ATG13: variants seen among roughly 807,000 people sequenced by gnomAD.
The protein encoded by ATG13 is autophagy-related protein 13.
In ATG13, 23 loss-of-function variants were observed where a neutral mutation model predicts 65.5. The observed-to-expected ratio is 0.35, with a 90% CI of 0.25 to 0.50. The LOEUF (loss-of-function observed/expected upper bound fraction) is 0.50, where lower values mean the gene tolerates loss of function less well. ATG13 is among the 20% of genes least tolerant of loss of function. The pLI, the probability that ATG13 is intolerant of heterozygous loss-of-function variation, is 0.98. For synonymous variants in ATG13, 252 were observed against 245.2 expected (o/e 1.03, Z -0.26); for missense variants, 566 against 677.0 (o/e 0.84, Z 1.82).
rs1225683321 is a variant in ATG13, at chr11:46,665,581, C to G, written c.1136+62C>G. 5 of 1,574,494 alleles carry G rather than the reference C, an allele frequency of 3.2e-6. No homozygotes were observed. The African/African-American group carries it at 6.8e-5, about 21-fold the overall frequency. On this transcript the variant is annotated intron_variant, in intron 14 of 18. Transcript: ENST00000683050. ...GGCCAGGGGCCTGGGCTCCCTGACA[C>G]ACGTGCTTATTTAGAATTAGTAAAG... is the stretch of plus-strand genomic sequence containing the variant.
At chr11:46,649,353 A>T (rs1565525763) in intron 6 of ATG13, among the ~76,000 whole-genome samples, 170 bp downstream of exon 6, 1 of 152,364 alleles carries the variant, frequency 6.6e-6, no homozygotes, top group East Asian at 1.9e-4. Flanking sequence ...CAGCCTGGAC[A>T]CAGAGATGAC....
At chr11:46,637,473 A>G (rs1228510913) in intron 2 of ATG13, among the ~76,000 whole-genome samples, 1 of 152,076 alleles carries the variant, frequency 6.6e-6, no homozygotes, top group Non-Finnish European at 1.5e-5. Flanking sequence ...CCAGGGTTCA[A>G]GTGATTCTCT....
chr11:46,672,518 C>T lies in ATG13; in HGVS notation c.*186C>T. On this transcript the variant is annotated 3_prime_UTR_variant, in exon 19 of 19. Transcript: ENST00000683050. ...TGGAGACTCCGTGGCGGCAGTCAAG[C>T]CCAGTGCCCAGTTGGAGAAGACTCA... The T allele has an allele frequency of 6.8e-7, 1 of 1,465,766 alleles. No individual in the cohort carries two copies. Among genetic ancestry groups the T allele is most frequent in the Non-Finnish European group, 9.0e-7 (1 of 1,109,812 alleles). The allele number at this position is 1,465,766 out of a possible 1,614,324, so 90.8% of individuals were successfully genotyped here. A position where few individuals can be genotyped will look rare whatever the true frequency, so the allele number is the denominator to read the frequency against.
At position 46,673,220 on chromosome 11, in the gene ATG13, G is replaced by T. The variant is rs1047520165; in HGVS notation, c.*888G>T. ...GGAGAAGGCGGAGGGCTCTTCCTGG[G>T]ACGGAGACCTCCTCCTCCGGAGGTT... On this transcript the variant is annotated 3_prime_UTR_variant, in exon 19 of 19. Coordinates refer to ENST00000683050, the MANE Select transcript of ATG13 (RefSeq NM_001346311.2). 5 of 154,402 alleles carry T rather than the reference G, an allele frequency of 3.2e-5. No homozygotes were observed. The highest frequency in any genetic ancestry group is 1.2e-4 in the African/African-American group (5 of 41,458). The allele number at this position is 154,402 out of a possible 1,614,324, so 9.6% of individuals were successfully genotyped here. A position where few individuals can be genotyped will look rare whatever the true frequency, so the allele number is the denominator to read the frequency against.
chr11:46,662,214 C>G (rs2136936579), intron 11 of ATG13, among the ~76,000 whole-genome samples: 1 of 152,222 alleles, frequency 6.6e-6, no homozygotes, highest in East Asian at 1.9e-4. Context: ...GTAGATATGT[C>G]TAATATTTTT....
chr11:46,619,332 G>T (rs1403537570), intron 1 of ATG13, among the ~76,000 whole-genome samples: 1 of 133,318 alleles, frequency 7.5e-6, no homozygotes, highest in Non-Finnish European at 1.6e-5. Flanking sequence ...TAAATAATTA[G>T]CTGATTTTTT....
intron 2 of ATG13, among the ~76,000 whole-genome samples, chr11:46,637,723 C>G (rs2054474465): frequency 6.6e-6 from 1 of 152,198 alleles, no homozygotes. Context: ...CAGCTGTTAT[C>G]ATTTGCATTT....
intron 11 of ATG13, 44 bp from the exon 12 acceptor site, chr11:46,663,953 T>A: frequency 8.7e-7 from 1 of 1,151,478 alleles, no homozygotes; most frequent in South Asian, 1.7e-5. Context: ...TTCTTTTTTT[T>A]TTTTTTTTTT....
intron 1 of ATG13, among the ~76,000 whole-genome samples, chr11:46,618,820 T>TTTA (rs1187246905): frequency 2.0e-5 from 3 of 151,956 alleles, no homozygotes; most frequent in East Asian, 1.9e-4. Context: ...TTTTAAAATT[T>TTTA]TTATTATTAT....
At chr11:46,649,963 T>A (rs568242703) in intron 6 of ATG13, among the ~76,000 whole-genome samples, 1 of 152,324 alleles carries the variant, frequency 6.6e-6, no homozygotes, top group Admixed American at 6.5e-5. Context: ...ATAACCACTT[T>A]GAAGCTAGAA....
intron 12 of ATG13, 122 bp from the exon 13 acceptor site, chr11:46,664,727 G>A (rs1022493640): frequency 2.3e-5 from 19 of 823,262 alleles, no homozygotes; most frequent in Non-Finnish European, 3.4e-5. Flanking sequence ...CCCCTGCACT[G>A]TGGGCATGTG....
intron 2 of ATG13, among the ~76,000 whole-genome samples, chr11:46,639,260 A>G (rs2055062954): frequency 6.6e-6 from 1 of 152,160 alleles, no homozygotes. Flanking sequence ...TGCTGGGATT[A>G]TAGGCGTGAG....
intron 15 of ATG13, among the ~76,000 whole-genome samples, chr11:46,668,144 T>A (rs2062793607): frequency 6.6e-6 from 1 of 152,214 alleles, no homozygotes; most frequent in Non-Finnish European, 1.5e-5. Context: ...TACCATTTAG[T>A]ACAAAAACAC....
At chr11:46,647,147 C>CT (rs1170037713) in intron 5 of ATG13, among the ~76,000 whole-genome samples, 1 of 152,208 alleles carries the variant, frequency 6.6e-6, no homozygotes, top group African/African-American at 2.4e-5. Context: ...GCTCTAGAAA[C>CT]TTTCCCCCTT....
Position 46,644,271 on chromosome 11 carries a change from T to A in ATG13, c.-13-8T>A. 2.5e-6 allele frequency: 4 copies of A among 1,573,486 alleles called. No individual in the cohort carries two copies. The highest frequency in any genetic ancestry group is 3.4e-4 in the Middle Eastern group (2 of 5,882). On this transcript the variant is annotated splice_polypyrimidine_tract_variant and splice_region_variant and intron_variant, in intron 2 of 18. Transcript: ENST00000683050. ...ATTAGTCATATTTTTTTCACTTTTT[T>A]TTTTTAGATTCCTATAGGCAATGGA... is the stretch of plus-strand genomic sequence containing the variant.
chr11:46,630,594 G>T (rs1254090522), intron 2 of ATG13, among the ~76,000 whole-genome samples: 2 of 125,720 alleles, frequency 1.6e-5, no homozygotes, highest in Non-Finnish European at 1.6e-5. Flanking sequence ...TTGAGACAGG[G>T]TCTCCCTCTA....
intron 10 of ATG13, 110 bp downstream of exon 10, chr11:46,657,732 GCCACTGATGGAGACC>G (rs1253933983): frequency 5.2e-6 from 5 of 957,794 alleles, no homozygotes; most frequent in Non-Finnish European, 7.7e-6. Context: ...TGGGCAGGGG[GCCACTGATGGAGACC>G]CCACGTGGAG....
chr11:46,646,666 T>C (rs1268644912), intron 5 of ATG13, among the ~76,000 whole-genome samples: 1 of 150,812 alleles, frequency 6.6e-6, no homozygotes, highest in Non-Finnish European at 1.5e-5. Flanking sequence ...GTTTTGCTAT[T>C]TTGGCCAGAC....
chr11:46,663,919 C>G, intron 11 of ATG13, 78 bp from the exon 12 acceptor site: 46 of 1,075,044 alleles, frequency 4.3e-5, no homozygotes, highest in Non-Finnish European at 5.2e-5. Flanking sequence ...TCCAGAGTTT[C>G]TTCACTTCTT....
Sources: allele counts gnomAD v4.1 joint callset (sites outside exome capture counted in the v4.1 genomes callset), GRCh38; gene constraint gnomAD v4.1.1; transcripts MANE v1.5; gene names NCBI Gene and HGNC (gene_info 2026-07-23, HGNC 2026-07-21).